ZC3H12B: variants seen among roughly 807,000 people sequenced by gnomAD.
ZC3H12B encodes the protein probable ribonuclease ZC3H12B.
Under a neutral mutation model 43.9 loss-of-function variants are expected in ZC3H12B, and 7 were observed. That is an observed-to-expected ratio of 0.16 (90% CI 0.09 to 0.30). The LOEUF is 0.30. ZC3H12B is among the 10% of genes least tolerant of loss of function. The pLI, the probability that ZC3H12B is intolerant of heterozygous loss-of-function variation, is 1.00. For synonymous variants in ZC3H12B, 222 were observed against 241.7 expected, an observed-to-expected ratio of 0.92 and a Z score of 0.76; for missense variants, 475 against 670.2, an observed-to-expected ratio of 0.71 and a Z score of 3.22.
At chrX:65,127,635 C>A in the ZC3H12B span, among the ~76,000 whole-genome samples, 1 of 111,130 alleles carries the variant, frequency 9.0e-6, no homozygotes, top group East Asian at 2.9e-4. Context: ...TAGAGAAAGA[C>A]CACCTGGTTG....
the ZC3H12B span, among the ~76,000 whole-genome samples, chrX:65,113,165 A>G: frequency 9.0e-6 from 1 of 111,571 alleles, no homozygotes; most frequent in African/African-American, 3.3e-5. Flanking sequence ...TTAGAAGTGG[A>G]GCCTGAAGAT....
chrX:65,131,965 G>A, the ZC3H12B span, among the ~76,000 whole-genome samples: 2 of 111,586 alleles, frequency 1.8e-5, no homozygotes, highest in South Asian at 3.8e-4. Context: ...TGGAAAGAAA[G>A]TAAATCATGA....
the ZC3H12B span, among the ~76,000 whole-genome samples, chrX:65,036,322 G>C: frequency 8.9e-6 from 1 of 111,754 alleles, no homozygotes; most frequent in Non-Finnish European, 1.9e-5. Flanking sequence ...ACAAAAGATG[G>C]GTTCTTTTCC....
chrX:65,461,454 A>G (rs1476087511), intron 3 of ZC3H12B, among the ~76,000 whole-genome samples: 1 of 112,324 alleles, frequency 8.9e-6, no homozygotes, highest in Non-Finnish European at 1.9e-5. Flanking sequence ...AACCAACCCA[A>G]ATGTCCAACA....
At chrX:65,096,112 G>A in the ZC3H12B span, among the ~76,000 whole-genome samples, 2 of 109,516 alleles carry the variant, frequency 1.8e-5, 1 homozygote, top group East Asian at 5.8e-4. Context: ...AACTGTGATT[G>A]TGAATAGTGT....
At chrX:65,152,106 C>G in the ZC3H12B span, among the ~76,000 whole-genome samples, 1 of 111,494 alleles carries the variant, frequency 9.0e-6, no homozygotes, top group Non-Finnish European at 1.9e-5. Context: ...CTATCTATGA[C>G]AAACCCACAG....
At chrX:65,193,210 T>G in the ZC3H12B span, among the ~76,000 whole-genome samples, 1 of 110,602 alleles carries the variant, frequency 9.0e-6, no homozygotes, top group African/African-American at 3.3e-5. Flanking sequence ...CCTCCTCAAT[T>G]TTTTGGAATA....
At chrX:65,500,471 A>G (rs2068349324) in intron 4 of ZC3H12B, among the ~76,000 whole-genome samples, 1 of 111,960 alleles carries the variant, frequency 8.9e-6, no homozygotes, top group Admixed American at 9.4e-5. Context: ...TCTGTCACCT[A>G]GGCTGCAGTG....
chrX:65,494,674 G>A (rs1370452190), intron 1 of ZC3H12B, among the ~76,000 whole-genome samples: 3 of 109,062 alleles, frequency 2.8e-5, no homozygotes, highest in Admixed American at 1.0e-4. Context: ...CCAGCTACTC[G>A]GGAGGCTGAG....
At chrX:65,113,398 T>G in the ZC3H12B span, among the ~76,000 whole-genome samples, 1 of 110,679 alleles carries the variant, frequency 9.0e-6, no homozygotes, top group Non-Finnish European at 1.9e-5. Flanking sequence ...GAAGTTCTAA[T>G]GTGGGTAAAA....
chrX:65,358,114 T>C, the ZC3H12B span, among the ~76,000 whole-genome samples: 1 of 109,723 alleles, frequency 9.1e-6, no homozygotes, highest in Non-Finnish European at 1.9e-5. Flanking sequence ...CATTACATAA[T>C]GGTAAAGGGA....
chrX:65,412,514 C>G (rs1042170835), intron 3 of ZC3H12B, among the ~76,000 whole-genome samples: 1 of 111,758 alleles, frequency 8.9e-6, no homozygotes, highest in Non-Finnish European at 1.9e-5. Context: ...GTTCCCCAGG[C>G]TGGAATACAG....
chrX:65,483,047 A>G (rs775861258), intron 3 of ZC3H12B, among the ~76,000 whole-genome samples: 6 of 112,236 alleles, frequency 5.3e-5, no homozygotes, highest in Admixed American at 9.5e-5. Flanking sequence ...ATTTTGAATA[A>G]GCTCAGTTGT....
intron 3 of ZC3H12B, chrX:65,407,986 T>C: frequency 9.8e-7 from 1 of 1,025,279 alleles, no homozygotes; most frequent in Non-Finnish European, 1.3e-6. Flanking sequence ...CGCTTCTGCC[T>C]GGCTTTCCGG....
At chrX:65,152,013 C>A in the ZC3H12B span, among the ~76,000 whole-genome samples, 2 of 111,698 alleles carry the variant, frequency 1.8e-5, no homozygotes, top group Non-Finnish European at 3.8e-5. Flanking sequence ...CAGAAAAGGC[C>A]TTTGACAAAA....
At chrX:65,435,786 G>A (rs1229319547) in intron 3 of ZC3H12B, among the ~76,000 whole-genome samples, 1 of 111,638 alleles carries the variant, frequency 9.0e-6, no homozygotes, top group Non-Finnish European at 1.9e-5. Flanking sequence ...TATACTGTAT[G>A]TGAGCTAGAG....
chrX:65,467,749 C>T (rs1334772000), intron 3 of ZC3H12B, among the ~76,000 whole-genome samples: 1 of 112,099 alleles, frequency 8.9e-6, no homozygotes, highest in Non-Finnish European at 1.9e-5. Flanking sequence ...TGTATATCTC[C>T]TTTTGAGAAA....
chrX:65,171,064 A>G, the ZC3H12B span, among the ~76,000 whole-genome samples: 1 of 111,903 alleles, frequency 8.9e-6, no homozygotes, highest in African/African-American at 3.2e-5. Flanking sequence ...TTCTCCATCC[A>G]GCTTTGTTCC....
chrX:65,164,552 G>A, the ZC3H12B span, among the ~76,000 whole-genome samples: 1 of 111,574 alleles, frequency 9.0e-6, no homozygotes, highest in Non-Finnish European at 1.9e-5. Context: ...AAGGAGGTTA[G>A]TTTTGGGAAG....
Sources: gnomAD v4.1 joint callset for allele counts (sites outside exome capture counted in the v4.1 genomes callset) on GRCh38, gnomAD v4.1.1 for gene constraint, MANE v1.5 for transcripts, NCBI Gene and HGNC (gene_info 2026-07-23, HGNC 2026-07-21) for gene names.